Variants in CLSTN1 observed in about 807,000 individuals in gnomAD.
CLSTN1 encodes the protein calsyntenin 1.
Under a neutral mutation model 108.3 loss-of-function variants are expected in CLSTN1, and 28 were observed. That is an observed-to-expected ratio of 0.26 (90% confidence interval 0.19 to 0.35). The LOEUF (loss-of-function observed/expected upper bound fraction) is 0.35, where lower values mean the gene tolerates loss of function less well. Among genes scored for constraint, CLSTN1 ranks in the 10% least tolerant of loss-of-function variants. CLSTN1 has a pLI of 1.00. For missense variants in CLSTN1, 1,157 were observed against 1,302.6 expected, an observed-to-expected ratio of 0.89 and a Z score of 1.72; for synonymous variants, 524 against 534.9, an observed-to-expected ratio of 0.98 and a Z score of 0.28.
At chr1:9,766,375 T>C (rs1190758934) in intron 2 of CLSTN1, among the ~76,000 whole-genome samples, 4 of 152,024 alleles carry the variant, frequency 2.6e-5, no homozygotes, top group Admixed American at 6.5e-5. Flanking sequence ...GTAAACAAAA[T>C]AGGCCGGGCG....
chr1:9,818,155 A>AT (rs1655050212), intron 1 of CLSTN1, among the ~76,000 whole-genome samples: 1 of 150,902 alleles, frequency 6.6e-6, no homozygotes, highest in Non-Finnish European at 1.5e-5. Flanking sequence ...CTACAGGCAT[A>AT]TGCCACCATG....
At chr1:9,769,106 G>A (rs866521693) in intron 2 of CLSTN1, among the ~76,000 whole-genome samples, 7 of 143,538 alleles carry the variant, frequency 4.9e-5, no homozygotes, top group African/African-American at 1.8e-4. Flanking sequence ...AGCGAAGGAG[G>A]GAAGGAGAGA....
chr1:9,735,644 A>G, intron 12 of CLSTN1, 29 bp from the exon 13 acceptor site: 7 of 1,613,704 alleles, frequency 4.3e-6, no homozygotes, highest in Non-Finnish European at 5.9e-6. Context: ...CAGAGAGGAG[A>G]AGAATAAGCC....
intron 2 of CLSTN1, among the ~76,000 whole-genome samples, chr1:9,764,229 AC>A (rs1165013224): frequency 1.3e-5 from 2 of 149,570 alleles, no homozygotes; most frequent in African/African-American, 2.5e-5. Context: ...TTCACCCACT[AC>A]CCCCCACCCC....
chr1:9,741,592 G>T (rs760741499), intron 9 of CLSTN1, among the ~76,000 whole-genome samples: 2 of 152,144 alleles, frequency 1.3e-5, no homozygotes, highest in African/African-American at 4.8e-5. Context: ...TTTACCACTG[G>T]CCATTCCTTT....
chr1:9,808,208 G>A (rs1399425682), intron 1 of CLSTN1, among the ~76,000 whole-genome samples: 3 of 152,186 alleles, frequency 2.0e-5, no homozygotes, highest in Non-Finnish European at 4.4e-5. Context: ...GGGTGTCACA[G>A]CCCACAAATA....
intron 1 of CLSTN1, among the ~76,000 whole-genome samples, chr1:9,803,085 A>G (rs1654355272): frequency 6.6e-6 from 1 of 152,148 alleles, no homozygotes; most frequent in Non-Finnish European, 1.5e-5. Context: ...AGCCTCCCAA[A>G]GTGCTGGGAT....
chr1:9,751,368 G>C (rs1266578157), intron 5 of CLSTN1, 105 bp downstream of exon 5: 2 of 1,065,278 alleles, frequency 1.9e-6, no homozygotes, highest in Non-Finnish European at 1.4e-6. Flanking sequence ...TCTCCAACTT[G>C]TGAGTTCCAT....
At chr1:9,776,049 T>G (rs145408154) in intron 1 of CLSTN1, among the ~76,000 whole-genome samples, 97 of 151,854 alleles carry the variant, frequency 6.4e-4, no homozygotes, top group African/African-American at 2.2e-3. Flanking sequence ...CTCAGCTCAC[T>G]GCAACCTTCG....
At chr1:9,780,860 C>G (rs1442326406) in intron 1 of CLSTN1, 1 of 264,580 alleles carries the variant, frequency 3.8e-6, no homozygotes, top group Non-Finnish European at 7.0e-6. Context: ...TGGCGAGTAG[C>G]CGTGGCAGCG....
At chr1:9,768,655 G>C (rs1168155467) in intron 2 of CLSTN1, among the ~76,000 whole-genome samples, 1 of 94,604 alleles carries the variant, frequency 1.1e-5, no homozygotes, top group Non-Finnish European at 2.0e-5. Context: ...GTGTTGGGTG[G>C]TATCATGGGG....
At position 9,745,845 on chromosome 1, in the gene CLSTN1, C is replaced by T. The variant is rs973215305; in HGVS notation, c.986-1202G>A. On this transcript the variant is annotated intron_variant, in intron 7 of 18. Coordinates refer to ENST00000377298, the MANE Select transcript of CLSTN1 (RefSeq NM_001009566.3). Reference sequence around the variant, plus strand: ...GTGCAGTGGTGCAGCGTTGGTTTACCGCAGCCTTGACCTCCTGAGCTCAAG... The same window carrying T: ...GTGCAGTGGTGCAGCGTTGGTTTACTGCAGCCTTGACCTCCTGAGCTCAAG... Among the ~76,000 whole-genome samples, 10 of 148,418 alleles carry T rather than the reference C, an allele frequency of 6.7e-5. No individual in the cohort carries two copies. The South Asian group carries it at 8.7e-4, about 13-fold the overall frequency.
chr1:9,734,836 A>G lies in CLSTN1; in HGVS notation c.2110+112T>C. 1 of 891,204 alleles carries G rather than the reference A, an allele frequency of 1.1e-6. No individual in the cohort carries two copies. Among genetic ancestry groups the G allele is most frequent in the Non-Finnish European group, 1.8e-6 (1 of 570,530 alleles). 55.2% of individuals were successfully genotyped at this position (891,204 alleles called of 1,614,324 possible). On this transcript the variant is annotated intron_variant, in intron 14 of 18. Coordinates refer to ENST00000377298, the MANE Select transcript of CLSTN1 (RefSeq NM_001009566.3). The surrounding 1 kb of genome is among the most constrained non-coding windows in gnomAD (Gnocchi z 4.8). Reference sequence around the variant, plus strand: ...AAGCACACCCGAGAGAACACCAACGAAAGATTAAAACCTCCCCAAATCCCA... The same window carrying G: ...AAGCACACCCGAGAGAACACCAACGGAAGATTAAAACCTCCCCAAATCCCA...
chr1:9,799,642 C>CA (rs997492880), intron 1 of CLSTN1, among the ~76,000 whole-genome samples: 12 of 119,470 alleles, frequency 1.0e-4, no homozygotes, highest in South Asian at 2.7e-4. Context: ...CTCCATCTCC[C>CA]AAAAAAACAA....
intron 1 of CLSTN1, among the ~76,000 whole-genome samples, chr1:9,813,366 G>C (rs1654844513): frequency 6.6e-6 from 1 of 151,508 alleles, no homozygotes; most frequent in Non-Finnish European, 1.5e-5. Flanking sequence ...AGGCTTGCTG[G>C]TGCATGTCTG....
At chr1:9,789,321 G>A (rs1042216082) in intron 1 of CLSTN1, among the ~76,000 whole-genome samples, 1 of 151,324 alleles carries the variant, frequency 6.6e-6, no homozygotes, top group African/African-American at 2.4e-5. Context: ...CAAGGGCCCC[G>A]ATTTCTCCAC....
At chr1:9,791,842 T>C (rs1653784914) in intron 1 of CLSTN1, among the ~76,000 whole-genome samples, 1 of 150,766 alleles carries the variant, frequency 6.6e-6, no homozygotes, top group Non-Finnish European at 1.5e-5. Flanking sequence ...CCCCAAATCC[T>C]TTTTAGTTTA....
At chr1:9,782,824 T>C (rs970335079) in intron 1 of CLSTN1, among the ~76,000 whole-genome samples, 1 of 151,160 alleles carries the variant, frequency 6.6e-6, no homozygotes, top group African/African-American at 2.4e-5. Context: ...CTGGCCAACA[T>C]GGTAAAACCC....
rs189136518 is a variant in CLSTN1, at chr1:9,747,135, C to T, written c.985+2326G>A. ...GCAGACGTTGCAGTGAGTGAGATTG[C>T]GCCACTGCACTCCAGCCTGGGCGAC... is the stretch of plus-strand genomic sequence containing the variant. On this transcript the variant is annotated intron_variant, in intron 7 of 18. Coordinates refer to ENST00000377298, the MANE Select transcript of CLSTN1 (RefSeq NM_001009566.3). Among the ~76,000 whole-genome samples, 119 of 139,132 alleles carry T rather than the reference C, an allele frequency of 8.6e-4. 1 individual carries two copies. The Middle Eastern group carries it at 0.031, about 36-fold the overall frequency. The allele number at this position is 139,132 out of a possible 152,430, so 91.3% of individuals were successfully genotyped here.
Sources: allele counts gnomAD v4.1 joint callset (sites outside exome capture counted in the v4.1 genomes callset), GRCh38; gene constraint gnomAD v4.1.1; non-coding constraint Gnocchi (gnomAD v3.1); transcripts MANE v1.5; gene names NCBI Gene and HGNC (gene_info 2026-07-23, HGNC 2026-07-21).